NOL10: variants seen among roughly 807,000 people sequenced by gnomAD.
NOL10 encodes the protein H_NH0074G24.1.
NOL10 carries 58 observed loss-of-function variants against 103.5 expected under a neutral mutation model. That is an observed-to-expected ratio of 0.56 (90% CI 0.45 to 0.70). NOL10 has a LOEUF of 0.70. NOL10 is among the 30% of genes least tolerant of loss of function. The pLI is 0.00. For synonymous variants in NOL10, 287 were observed against 282.5 expected (o/e 1.02, Z -0.16); for missense variants, 763 against 807.3 (o/e 0.95, Z 0.67).
chr2:10,657,045 G>A (rs544862028), intron 11 of NOL10, among the ~76,000 whole-genome samples: 2 of 152,310 alleles, frequency 1.3e-5, no homozygotes, highest in South Asian at 2.1e-4. Context: ...AAGGCCAGGT[G>A]AGGTGGCTCA....
intron 13 of NOL10, 136 bp from the exon 14 acceptor site, chr2:10,607,447 G>T: frequency 2.2e-6 from 2 of 908,050 alleles, no homozygotes; most frequent in Non-Finnish European, 3.2e-6. Flanking sequence ...AATGGATGCA[G>T]TATGTATAAT....
At chr2:10,572,323 C>T in intron 20 of NOL10, 133 bp from the exon 21 acceptor site, 1 of 959,732 alleles carries the variant, frequency 1.0e-6, no homozygotes, top group Non-Finnish European at 1.6e-6. Context: ...CCCACAGGCT[C>T]CAGGGGACAT....
chr2:10,590,360 G>A (rs919595294), intron 17 of NOL10, among the ~76,000 whole-genome samples: 4 of 152,154 alleles, frequency 2.6e-5, no homozygotes, highest in African/African-American at 7.2e-5. Flanking sequence ...CTCGTGCCTT[G>A]GCCTCCCATA....
chr2:10,641,852 C>T (rs763376762), intron 13 of NOL10, among the ~76,000 whole-genome samples: 7 of 152,152 alleles, frequency 4.6e-5, no homozygotes, highest in Non-Finnish European at 8.8e-5. Flanking sequence ...CTCTCCATAA[C>T]GCGGCTCTCC....
intron 13 of NOL10, among the ~76,000 whole-genome samples, chr2:10,629,093 C>A (rs1677670154): frequency 6.6e-6 from 1 of 151,900 alleles, no homozygotes; most frequent in Non-Finnish European, 1.5e-5. Flanking sequence ...TCCACCTCTC[C>A]CCTACATACA....
chr2:10,683,575 C>A (rs1267446961), intron 2 of NOL10, among the ~76,000 whole-genome samples: 1 of 152,214 alleles, frequency 6.6e-6, no homozygotes, highest in Non-Finnish European at 1.5e-5. Context: ...AGACCCCAGC[C>A]ACTCTTACCT....
At chr2:10,577,501 T>A in intron 20 of NOL10, 135 bp downstream of exon 20, 1 of 654,660 alleles carries the variant, frequency 1.5e-6, no homozygotes, top group Non-Finnish European at 2.6e-6. Flanking sequence ...GCAAGGAAAA[T>A]GTTAGAACAG....
intron 19 of NOL10, among the ~76,000 whole-genome samples, chr2:10,584,169 A>G (rs1166977686): frequency 1.3e-5 from 2 of 152,146 alleles, no homozygotes; most frequent in Non-Finnish European, 2.9e-5. Flanking sequence ...ACCAGTTTCC[A>G]TATGATTTCA....
intron 13 of NOL10, among the ~76,000 whole-genome samples, chr2:10,611,837 C>T (rs1373842891): frequency 6.6e-6 from 1 of 152,164 alleles, no homozygotes; most frequent in East Asian, 1.9e-4. Context: ...ATCGCTTGAA[C>T]CCGGGAGGTG....
chr2:10,647,182 G>A (rs1185991026), intron 12 of NOL10, among the ~76,000 whole-genome samples: 1 of 119,550 alleles, frequency 8.4e-6, no homozygotes, highest in Non-Finnish European at 1.7e-5. Context: ...GTACACTATA[G>A]TGTATAGTAC....
intron 13 of NOL10, among the ~76,000 whole-genome samples, chr2:10,637,823 G>T (rs747694949): frequency 2.0e-5 from 3 of 152,214 alleles, no homozygotes; most frequent in Non-Finnish European, 4.4e-5. Flanking sequence ...GTGCAAGTTA[G>T]AAGGGTTCTT....
At chr2:10,630,670 G>A (rs1018620013) in intron 13 of NOL10, among the ~76,000 whole-genome samples, 11 of 152,078 alleles carry the variant, frequency 7.2e-5, no homozygotes, top group Admixed American at 5.9e-4. Context: ...AGCTGAGATC[G>A]TGCCACTGCC....
At chr2:10,622,495 A>AAAAAAAG (rs1361683326) in intron 13 of NOL10, among the ~76,000 whole-genome samples, 1 of 145,640 alleles carries the variant, frequency 6.9e-6, no homozygotes, top group Non-Finnish European at 1.5e-5. Context: ...TTTCAAAAAA[A>AAAAAAAG]AAGAGAGAAG....
chr2:10,611,369 T>C, intron 13 of NOL10, among the ~76,000 whole-genome samples: 1 of 152,252 alleles, frequency 6.6e-6, no homozygotes, highest in East Asian at 1.9e-4. Context: ...ACATGCCATG[T>C]GCCCAAGATG....
At chr2:10,657,185 G>C (rs1679897111) in intron 11 of NOL10, among the ~76,000 whole-genome samples, 1 of 152,094 alleles carries the variant, frequency 6.6e-6, no homozygotes, top group Admixed American at 6.5e-5. Context: ...TGGGCATGGT[G>C]ACATGCACCT....
chr2:10,584,787 T>C (rs1286943342), intron 19 of NOL10, among the ~76,000 whole-genome samples: 4 of 152,238 alleles, frequency 2.6e-5, no homozygotes, highest in African/African-American at 9.6e-5. Flanking sequence ...AACTTGGTTA[T>C]ATTTAACTTA....
rs191613890 is a variant in NOL10 at position 10,581,131 on chromosome 2, C to T, written c.1845-3393G>A. Among the ~76,000 whole-genome samples the T allele has an allele frequency of 1.9e-3, 291 of 152,202 alleles. 2 individuals are homozygous for T. Among genetic ancestry groups the T allele is most frequent in the African/African-American group, 6.7e-3 (280 of 41,510 alleles). ...TTCAAGAGACTTAAACTCAGGCAAC[C>T]ACGAAATCTGATGCCTCATCTATAG... On this transcript the variant is annotated intron_variant, in intron 19 of 20. Transcript: ENST00000381685.
chr2:10,598,250 G>A (rs1389593488), intron 17 of NOL10, among the ~76,000 whole-genome samples: 4 of 152,128 alleles, frequency 2.6e-5, no homozygotes, highest in African/African-American at 7.2e-5. Flanking sequence ...TGCATCAGGC[G>A]GTGTGATGCA....
chr2:10,613,796 A>G (rs1676694386), intron 13 of NOL10, among the ~76,000 whole-genome samples: 1 of 152,162 alleles, frequency 6.6e-6, no homozygotes, highest in African/African-American at 2.4e-5. Flanking sequence ...CAACCATATC[A>G]AGTATCTAGT....
Sources: gnomAD v4.1 joint callset for allele counts (sites outside exome capture counted in the v4.1 genomes callset) on GRCh38, gnomAD v4.1.1 for gene constraint, MANE v1.5 for transcripts, NCBI Gene and HGNC (gene_info 2026-07-23, HGNC 2026-07-21) for gene names.